The following MSH6 variants were observed in gnomAD, a reference collection of about 807,000 sequenced individuals.
The protein encoded by MSH6 is mutS homolog 6, also known as DNA mismatch repair protein Msh6.
Under a neutral mutation model 119.1 loss-of-function variants are expected in MSH6, and 85 were observed. The ratio of observed to expected loss-of-function variants is 0.71; its 90% confidence interval spans 0.60 to 0.85. The LOEUF (loss-of-function observed/expected upper bound fraction) is 0.85, where lower values mean the gene tolerates loss of function less well. Ranked by LOEUF, MSH6 falls within the 40% of genes least tolerant of loss-of-function variation. MSH6 has a pLI of 0.00. For missense variants in MSH6, 2,163 were observed against 1,655.3 expected, an observed-to-expected ratio of 1.31 and a Z score of -5.32; for synonymous variants, 830 against 586.9, an observed-to-expected ratio of 1.41 and a Z score of -5.99.
At chr2:47,804,396 T>A (rs1669818150) in intron 5 of MSH6, among the ~76,000 whole-genome samples, 1 of 152,324 alleles carries the variant, frequency 6.6e-6, no homozygotes, top group African/African-American at 2.4e-5. Flanking sequence ...ATAGTAGTAG[T>A]TGGCTGGTCC....
At chr2:47,793,841 C>T (rs1056315091) in intron 2 of MSH6, among the ~76,000 whole-genome samples, 1 of 151,572 alleles carries the variant, frequency 6.6e-6, no homozygotes, top group Non-Finnish European at 1.5e-5. Context: ...AGCGATTCTC[C>T]TGCCTCTGCC....
rs1481054050 is a variant in MSH6 at position 47,798,894 on chromosome 2, T to A, written c.911T>A (p.Val304Glu). Reference protein sequence around the residue: ...VKVARKRKRMVTGNGSLKRKS... With the variant: ...VKVARKRKRMETGNGSLKRKS... Reference sequence around the variant, plus strand: ...GTTGCTCGAAAGCGGAAGAGAATGGTGACTGGAAATGGCTCTCTTAAAAGG... The same window carrying A: ...GTTGCTCGAAAGCGGAAGAGAATGGAGACTGGAAATGGCTCTCTTAAAAGG... The change falls in exon 4 of 10, where the codon GTG becomes GAG. Residue 304 changes from valine (V) to glutamate (E), a missense_variant. By Grantham distance (121) the Val-to-Glu change is moderately radical (BLOSUM62 -2). Coordinates refer to ENST00000234420, the MANE Select transcript of MSH6 (RefSeq NM_000179.3). The A allele has an allele frequency of 6.2e-7, 1 of 1,613,968 alleles. No individual in the cohort carries two copies. Among genetic ancestry groups the A allele is most frequent in the Non-Finnish European group, 8.5e-7 (1 of 1,180,008 alleles).
intron 1 of MSH6, among the ~76,000 whole-genome samples, chr2:47,785,949 A>C (rs1041717226): frequency 6.6e-6 from 1 of 152,242 alleles, no homozygotes; most frequent in Non-Finnish European, 1.5e-5. Flanking sequence ...GGCATTTGAT[A>C]CTAGGTTTCT....
Position 47,801,029 on chromosome 2 carries a change from G to T in MSH6, c.3046G>T (p.Ala1016Ser), listed in dbSNP as rs1553414421. 2 of 1,583,280 alleles carry T rather than the reference G, an allele frequency of 1.3e-6. No homozygotes were observed. The highest frequency in any genetic ancestry group is 1.7e-6 in the Non-Finnish European group (2 of 1,165,306). ...YWTKTIEKKL[A>S]NLINAEERRD... is the part of the protein sequence containing the mutation. ...GACCAAAACTATTGAAAAGAAGTTGGCTAATCTCATAAATGCTGAAGAACG... is the reference window on the plus strand; with the variant it reads ...GACCAAAACTATTGAAAAGAAGTTGTCTAATCTCATAAATGCTGAAGAACG... The change falls in exon 4 of 10, where the codon GCT becomes TCT. Residue 1016 changes from alanine to serine, a missense_variant. By Grantham distance (99) the Ala-to-Ser change is moderately conservative (BLOSUM62 1). Coordinates refer to ENST00000234420, the MANE Select transcript of MSH6 (RefSeq NM_000179.3).
Position 47,800,966 on chromosome 2 carries a change from G to T in MSH6, c.2983G>T (p.Glu995Ter), listed in dbSNP as rs63750258. Reference protein sequence around the residue: ...FTTRNLPEEYELKSTKKGCKR... With the variant: ...FTTRNLPEEY ...CACTCGCAATTTGCCAGAAGAATAC[G>T]AGTTGAAATCTACCAAGAAGGGCTG... Residue 995 changes from glutamate (E) to a stop codon, truncating the protein, a stop_gained, in exon 4 of 10, where the codon GAG becomes TAG. Transcript: ENST00000234420. LOFTEE classifies it high-confidence loss of function. 3 of 1,562,602 alleles carry T rather than the reference G, an allele frequency of 1.9e-6. No individual in the cohort carries two copies. The highest frequency in any genetic ancestry group is 1.7e-6 in the Non-Finnish European group (2 of 1,157,208).
chr2:47,805,910 C>A (rs1318731670), intron 7 of MSH6, among the ~76,000 whole-genome samples: 1 of 152,136 alleles, frequency 6.6e-6, no homozygotes, highest in Non-Finnish European at 1.5e-5. Context: ...AATTATTAGG[C>A]CTTACACTGT....
At chr2:47,786,986 C>G (rs1207473145) in intron 1 of MSH6, among the ~76,000 whole-genome samples, 1 of 152,044 alleles carries the variant, frequency 6.6e-6, no homozygotes, top group Non-Finnish European at 1.5e-5. Context: ...GGAATTTGTC[C>G]TTTTATTTTC....
intron 1 of MSH6, among the ~76,000 whole-genome samples, chr2:47,788,671 G>A (rs1668504061): frequency 7.1e-6 from 1 of 140,712 alleles, no homozygotes; most frequent in Non-Finnish European, 1.5e-5. Flanking sequence ...CCGGGTTCAA[G>A]GGAGTCTCCT....
intron 2 of MSH6, among the ~76,000 whole-genome samples, chr2:47,793,318 C>CTCAAAAACAA (rs1441753856): frequency 2.0e-5 from 1 of 48,786 alleles, no homozygotes; most frequent in Non-Finnish European, 3.4e-5. Flanking sequence ...GAGACTGTCT[C>CTCAAAAACAA]AAAAAAAAAA....
At chr2:47,792,432 A>T (rs1668792119) in intron 2 of MSH6, among the ~76,000 whole-genome samples, 1 of 152,210 alleles carries the variant, frequency 6.6e-6, no homozygotes, top group Admixed American at 6.5e-5. Flanking sequence ...ATACAGGTGG[A>T]AAGAGAATTG....
Position 47,783,376 on chromosome 2 carries a change from C to T in MSH6, c.143C>T (p.Ala48Val), listed in dbSNP as rs876658278. ...PGASPSPGGD[A>V]AWSEAGPGPR... ...GCCTCTCCTTCCCCAGGCGGGGATG[C>T]GGCCTGGAGCGAGGCTGGGCCTGGG... The change falls in exon 1 of 10, where the codon GCG (alanine) becomes GTG (valine). Residue 48 changes from alanine (A) to valine (V), a missense_variant. By Grantham distance (64) the Ala-to-Val change is moderately conservative. Coordinates refer to ENST00000234420, the MANE Select transcript of MSH6 (RefSeq NM_000179.3). 4 of 1,593,264 alleles carry T rather than the reference C, an allele frequency of 2.5e-6. No individual in the cohort carries two copies. The highest frequency in any genetic ancestry group is 2.6e-6 in the Non-Finnish European group (3 of 1,169,974).
chr2:47,800,363 G>A lies in MSH6; in HGVS notation c.2380G>A (p.Ala794Thr), dbSNP rs2104403762. 6.2e-7 allele frequency: 1 copy of A among 1,614,106 alleles called. No individual in the cohort carries two copies. Among genetic ancestry groups the A allele is most frequent in the Non-Finnish European group, 8.5e-7 (1 of 1,180,018 alleles). Residue 794 changes from alanine to threonine, a missense_variant, in exon 4 of 10, where the codon GCC (alanine) becomes ACC (threonine). Physicochemically the swap from Ala to Thr is moderately conservative, Grantham distance 58. Transcript: ENST00000234420. ...TTATGCTATTAATGATCGTCTAGAT[G>A]CCATAGAAGACCTCATGGTTGTGCC... ...NHYAINDRLD[A>T]IEDLMVVPDK...
In MSH6 at chr2:47,804,970, C is replaced by G. The variant is rs1553332217; in HGVS notation, c.3499C>G (p.Leu1167Val). The change falls in exon 6 of 10, where the codon CTC (leucine) becomes GTC (valine). Residue 1167 changes from leucine (L) to valine (V), a missense_variant. Physicochemically the swap from Leu to Val is conservative, Grantham distance 32. Coordinates refer to ENST00000234420, the MANE Select transcript of MSH6 (RefSeq NM_000179.3). The stretch of plus-strand genomic sequence containing the variant: ...TTACGTCCCTGCTGAAGTGTGCAGG[C>G]TCACACCAATTGATAGAGTGTTTAC... ...GCYVPAEVCR[L>V]TPIDRVFTRL... The G allele has an allele frequency of 6.2e-7, 1 of 1,614,136 alleles. No homozygotes were observed. Among genetic ancestry groups the G allele is most frequent in the Non-Finnish European group, 8.5e-7 (1 of 1,180,010 alleles).
downstream of MSH6, chr2:47,809,814 C>A: frequency 1.5e-6 from 1 of 683,364 alleles, no homozygotes; most frequent in Non-Finnish European, 2.5e-6. Context: ...AGTACATTAA[C>A]CCTCTTAATG....
chr2:47,784,440 C>A, intron 1 of MSH6: 1 of 161,746 alleles, frequency 6.2e-6, no homozygotes, highest in Non-Finnish European at 1.3e-5. Context: ...GAGTTGTCCT[C>A]ACTTTATGGG....
intron 1 of MSH6, among the ~76,000 whole-genome samples, chr2:47,785,840 A>G (rs574708878): frequency 4.3e-4 from 66 of 152,286 alleles, no homozygotes; most frequent in African/African-American, 1.5e-3. Flanking sequence ...AGCGTATGTT[A>G]TTTGTTTCTT....
intron 1 of MSH6, among the ~76,000 whole-genome samples, chr2:47,787,872 T>G (rs1278347915): frequency 6.6e-6 from 1 of 152,146 alleles, no homozygotes; most frequent in Non-Finnish European, 1.5e-5. Context: ...CCTCCCAAAG[T>G]GCTGGGATCA....
rs876661048 is a variant in MSH6 at position 47,803,525 on chromosome 2, G to A, written c.3278G>A (p.Gly1093Glu). The A allele has an allele frequency of 6.2e-7, 1 of 1,614,094 alleles. No homozygotes were observed. Among genetic ancestry groups the A allele is most frequent in the South Asian group, 1.1e-5 (1 of 91,076 alleles). ...ACCCCCCCCTTCTTAGAGCTTAAAG[G>A]ATCACGCCATCCTTGCATTACGAAG... The part of the protein sequence containing the change: ...EDTPPFLELK[G>E]SRHPCITKTF... Residue 1093 changes from glycine to glutamate, a missense_variant, in exon 5 of 10, where the codon GGA becomes GAA. By Grantham distance (98) the Gly-to-Glu change is moderately conservative. Transcript: ENST00000234420.
chr2:47,806,750 ACTT>A (rs763461313), intron 9 of MSH6, 26 bp from the exon 10 acceptor site: 1 of 1,404,378 alleles, frequency 7.1e-7, no homozygotes, highest in East Asian at 2.4e-5. Context: ...AAACAAAAAA[ACTT>A]TTTTTTTTTT....
Sources: allele counts gnomAD v4.1 joint callset (sites outside exome capture counted in the v4.1 genomes callset), GRCh38; gene constraint gnomAD v4.1.1; transcripts MANE v1.5; gene names NCBI Gene and HGNC (gene_info 2026-07-23, HGNC 2026-07-21).